Variants in CNTNAP5 observed in about 807,000 individuals in gnomAD.
CNTNAP5 encodes contactin-associated protein-like 5.
In CNTNAP5, 72 loss-of-function variants were observed where a neutral mutation model predicts 150.2. The observed-to-expected ratio is 0.48, with a 90% confidence interval of 0.40 to 0.58. CNTNAP5 has a LOEUF of 0.58. Ranked by LOEUF, CNTNAP5 falls within the 20% of genes least tolerant of loss-of-function variation. CNTNAP5 has a pLI of 0.00. For missense variants in CNTNAP5, 1,636 were observed against 1,626.2 expected (o/e 1.01, Z -0.10); for synonymous variants, 672 against 619.8 (o/e 1.08, Z -1.25).
At chr2:124,367,570 A>G (rs975020933) in intron 3 of CNTNAP5, among the ~76,000 whole-genome samples, 1 of 152,146 alleles carries the variant, frequency 6.6e-6, no homozygotes, top group Admixed American at 6.5e-5. Context: ...CAGCCAAACC[A>G]TATCACCTGG....
At chr2:124,108,603 T>C (rs899463835) in intron 1 of CNTNAP5, among the ~76,000 whole-genome samples, 3 of 152,202 alleles carry the variant, frequency 2.0e-5, no homozygotes, top group African/African-American at 7.2e-5. Context: ...TACGTTCCTC[T>C]CTCATGTGCA....
chr2:124,041,416 C>T (rs1241736495), intron 1 of CNTNAP5, among the ~76,000 whole-genome samples: 1 of 152,000 alleles, frequency 6.6e-6, no homozygotes. Context: ...CTTTTATGTG[C>T]TGGGAAGGTT....
chr2:124,778,174 A>C (rs1327617889), intron 17 of CNTNAP5, among the ~76,000 whole-genome samples: 1 of 152,162 alleles, frequency 6.6e-6, no homozygotes, highest in Non-Finnish European at 1.5e-5. Flanking sequence ...CCACATGCTG[A>C]GTAGCCACAA....
At chr2:124,582,315 T>G (rs1400671753) in intron 11 of CNTNAP5, among the ~76,000 whole-genome samples, 2 of 152,194 alleles carry the variant, frequency 1.3e-5, no homozygotes, top group Non-Finnish European at 2.9e-5. Context: ...CTGGCTTTAC[T>G]CACTCCAGAA....
At chr2:124,098,179 T>C (rs1358142234) in intron 1 of CNTNAP5, among the ~76,000 whole-genome samples, 1 of 152,220 alleles carries the variant, frequency 6.6e-6, no homozygotes, top group East Asian at 1.9e-4. Context: ...TATTATTTGC[T>C]CTATTCTTAC....
chr2:124,600,159 C>T (rs1696950862), intron 11 of CNTNAP5, among the ~76,000 whole-genome samples: 4 of 151,932 alleles, frequency 2.6e-5, no homozygotes, highest in Admixed American at 2.6e-4. Flanking sequence ...AACTTTGTTT[C>T]CTTACACTCC....
At chr2:124,148,081 AT>A (rs1377141561) in intron 1 of CNTNAP5, among the ~76,000 whole-genome samples, 2 of 152,284 alleles carry the variant, frequency 1.3e-5, no homozygotes, top group East Asian at 3.9e-4. Context: ...GTTTCACAGG[AT>A]AACTGTCTCA....
In CNTNAP5 at chr2:124,516,502, A is replaced by G. The variant is rs776599128; in HGVS notation, c.1328-7801A>G. On this transcript the variant is annotated intron_variant, in intron 8 of 23. Coordinates refer to ENST00000682447, the MANE Select transcript of CNTNAP5 (RefSeq NM_001367498.1). ...TTTAGAGATATTAAGAAATCTGTCT[A>G]AATTTCCGGAAATTTTTAAGTGTCA... Among the ~76,000 whole-genome samples, 17 of 152,198 alleles carry G rather than the reference A, an allele frequency of 1.1e-4. No individual in the cohort carries two copies. The East Asian group carries it at 1.5e-3, about 14-fold the overall frequency.
Position 124,919,126 on chromosome 2 carries a change from C to T in CNTNAP5, c.*4838C>T, listed in dbSNP as rs184360197. 5.3e-5 allele frequency among the ~76,000 whole-genome samples: 8 copies of T among 152,120 alleles called. No homozygotes were observed. The East Asian group carries it at 1.6e-3, about 30-fold the overall frequency. On this transcript the variant is annotated 3_prime_UTR_variant, in exon 24 of 24. Transcript: ENST00000682447. ...CACCTAAAGGGGAAAAAATGCAACA[C>T]ACACACGCACGCTCACATGCACACT...
intron 1 of CNTNAP5, among the ~76,000 whole-genome samples, chr2:124,155,816 C>G (rs1424994653): frequency 6.6e-6 from 1 of 152,096 alleles, no homozygotes; most frequent in African/African-American, 2.4e-5. Context: ...AAATAAAAAT[C>G]AATAAATTTG....
intron 2 of CNTNAP5, among the ~76,000 whole-genome samples, chr2:124,235,330 T>C (rs1686722085): frequency 6.6e-6 from 1 of 152,006 alleles, no homozygotes. Context: ...AGCTGAAGGA[T>C]GAGTTCACCT....
At chr2:124,539,353 C>T (rs1200298842) in intron 10 of CNTNAP5, among the ~76,000 whole-genome samples, 3 of 152,178 alleles carry the variant, frequency 2.0e-5, no homozygotes, top group Admixed American at 6.5e-5. Context: ...GCATGGGCAG[C>T]GTCATAGATG....
intron 1 of CNTNAP5, among the ~76,000 whole-genome samples, chr2:124,045,258 T>C (rs1036095759): frequency 6.6e-6 from 1 of 151,528 alleles, no homozygotes; most frequent in Non-Finnish European, 1.5e-5. Flanking sequence ...TGAAAATAAA[T>C]GTCTTTCGCC....
chr2:124,125,294 C>A (rs34260604), intron 1 of CNTNAP5, among the ~76,000 whole-genome samples: 1 of 152,032 alleles, frequency 6.6e-6, no homozygotes, highest in Non-Finnish European at 1.5e-5. Context: ...TTTAAACCAA[C>A]AAAGATCAAA....
chr2:124,114,419 C>T (rs1573763533), intron 1 of CNTNAP5, among the ~76,000 whole-genome samples: 1 of 152,012 alleles, frequency 6.6e-6, no homozygotes, highest in South Asian at 2.1e-4. Flanking sequence ...ATAGGATCTT[C>T]TAATTGTTTA....
intron 10 of CNTNAP5, among the ~76,000 whole-genome samples, chr2:124,532,755 C>A (rs1695139571): frequency 6.6e-6 from 1 of 152,178 alleles, no homozygotes; most frequent in Non-Finnish European, 1.5e-5. Flanking sequence ...TTTGCAAAAT[C>A]AGGATCACAA....
At chr2:124,471,807 A>G (rs1011717748) in intron 6 of CNTNAP5, among the ~76,000 whole-genome samples, 3 of 152,102 alleles carry the variant, frequency 2.0e-5, no homozygotes, top group African/African-American at 4.8e-5. Context: ...CCTTTCCTGC[A>G]TCTACTGAGA....
chr2:124,808,347 T>C (rs1439274698), intron 19 of CNTNAP5, among the ~76,000 whole-genome samples: 1 of 152,168 alleles, frequency 6.6e-6, no homozygotes, highest in Non-Finnish European at 1.5e-5. Flanking sequence ...GGCTCATGCT[T>C]GTAATCTCAG....
chr2:124,137,707 A>G (rs1684008372), intron 1 of CNTNAP5, among the ~76,000 whole-genome samples: 1 of 152,204 alleles, frequency 6.6e-6, no homozygotes, highest in African/African-American at 2.4e-5. Context: ...AGGTGCAGAA[A>G]CTGTGTCAGG....
Sources: gnomAD v4.1 joint callset for allele counts (sites outside exome capture counted in the v4.1 genomes callset) on GRCh38, gnomAD v4.1.1 for gene constraint, MANE v1.5 for transcripts, NCBI Gene and HGNC (gene_info 2026-07-23, HGNC 2026-07-21) for gene names.